The following DNAH12 variants were observed in gnomAD, a reference collection of about 807,000 sequenced individuals.
The protein encoded by DNAH12 is axonemal beta dynein heavy chain 12.
In DNAH12, 285 loss-of-function variants were observed where a neutral mutation model predicts 371.5. That is an observed-to-expected ratio of 0.77 (90% CI 0.70 to 0.85). The LOEUF (loss-of-function observed/expected upper bound fraction) is 0.85, where lower values mean the gene tolerates loss of function less well. DNAH12 is among the 40% of genes least tolerant of loss of function. The pLI, the probability that DNAH12 is intolerant of heterozygous loss-of-function variation, is 0.00. For missense variants in DNAH12, 3,611 were observed against 3,689.4 expected, an observed-to-expected ratio of 0.98 and a Z score of 0.55; for synonymous variants, 1,200 against 1,213.0, an observed-to-expected ratio of 0.99 and a Z score of 0.22.
rs1363960288 is a variant in DNAH12 at position 57,424,323 on chromosome 3, T to G, written c.5373+699A>C. On this transcript the variant is annotated intron_variant, in intron 35 of 73. Transcript: ENST00000495027. ...TGCCTTTACTAAAGATAAAAAAAAT[T>G]AGCTCAGTGTGGCAGTGCGCACCTG... Among the ~76,000 whole-genome samples, 4 of 144,434 alleles carry G rather than the reference T, an allele frequency of 2.8e-5. No homozygotes were observed. The Admixed American group carries it at 2.8e-4, about 10-fold the overall frequency. 94.8% of individuals were successfully genotyped at this position (144,434 alleles called of 152,430 possible).
intron 11 of DNAH12, chr3:57,498,595 A>G (rs2067397137): frequency 1.4e-6 from 1 of 714,968 alleles, no homozygotes; most frequent in African/African-American, 1.7e-5. Context: ...AGAAGACCAT[A>G]GTAACTTTAT....
chr3:57,300,095 C>G (rs1031697581), intron 70 of DNAH12, among the ~76,000 whole-genome samples: 2 of 152,222 alleles, frequency 1.3e-5, no homozygotes, highest in African/African-American at 4.8e-5. Flanking sequence ...CAAAACTTCC[C>G]TCCAGCCCCT....
chr3:57,314,260 T>C (rs907546969), intron 66 of DNAH12, among the ~76,000 whole-genome samples: 1 of 152,168 alleles, frequency 6.6e-6, no homozygotes, highest in Non-Finnish European at 1.5e-5. Context: ...CTTCTGCACC[T>C]CTTTATTATG....
At chr3:57,495,925 A>T (rs1019443888) in intron 11 of DNAH12, among the ~76,000 whole-genome samples, 1 of 144,406 alleles carries the variant, frequency 6.9e-6, no homozygotes. Flanking sequence ...TTCTATATTT[A>T]TATATATTTT....
At chr3:57,494,017 G>T (rs2067222306) in intron 11 of DNAH12, among the ~76,000 whole-genome samples, 1 of 152,180 alleles carries the variant, frequency 6.6e-6, no homozygotes, top group Non-Finnish European at 1.5e-5. Flanking sequence ...AGGATCACTT[G>T]CATCCAGGAG....
At chr3:57,531,635 G>A (rs1408422499) in intron 2 of DNAH12, among the ~76,000 whole-genome samples, 4 of 151,836 alleles carry the variant, frequency 2.6e-5, no homozygotes, top group South Asian at 4.2e-4. Context: ...GTGGCGGCAT[G>A]TGCTGTAATC....
rs1227654052 is a variant in DNAH12 at position 57,511,113 on chromosome 3, C to G, written c.280-134G>C. 23 of 606,146 alleles carry G rather than the reference C, an allele frequency of 3.8e-5. No individual in the cohort carries two copies. In the East Asian group the frequency reaches 7.7e-4, roughly 20 times the overall value. 37.5% of individuals were successfully genotyped at this position (606,146 alleles called of 1,614,324 possible). On this transcript the variant is annotated intron_variant, in intron 4 of 73. Transcript: ENST00000495027. ...AAAAATAACATTTTCAGAATAAAAA[C>G]CATTTAATCCAAAAGTACATCCCAC...
intron 43 of DNAH12, among the ~76,000 whole-genome samples, chr3:57,399,536 A>G (rs1029480301): frequency 7.2e-5 from 11 of 152,234 alleles, no homozygotes; most frequent in Non-Finnish European, 1.6e-4. Flanking sequence ...TATCAGACAA[A>G]AATAGACTTT....
intron 11 of DNAH12, among the ~76,000 whole-genome samples, chr3:57,499,651 T>TAA (rs1559724539): frequency 3.7e-5 from 1 of 26,752 alleles, no homozygotes; most frequent in Non-Finnish European, 7.6e-5. Flanking sequence ...AAAAAAAATA[T>TAA]ATATATATAT....
intron 60 of DNAH12, among the ~76,000 whole-genome samples, chr3:57,340,357 G>T (rs141203324): frequency 6.6e-6 from 1 of 151,194 alleles, no homozygotes; most frequent in African/African-American, 2.4e-5. Flanking sequence ...AAATAGAAAA[G>T]ATCAATGAAA....
intron 25 of DNAH12, among the ~76,000 whole-genome samples, chr3:57,449,637 A>C (rs1019040126): frequency 7.2e-5 from 11 of 152,162 alleles, no homozygotes; most frequent in Non-Finnish European, 1.5e-4. Flanking sequence ...CCGGCTGCTC[A>C]GAGTGCGGGG....
intron 13 of DNAH12, 70 bp from the exon 14 acceptor site, chr3:57,472,741 A>C: frequency 6.9e-7 from 1 of 1,447,858 alleles, no homozygotes; most frequent in Non-Finnish European, 9.3e-7. Flanking sequence ...GAGAAGAACC[A>C]ACAACAATCT....
At chr3:57,428,495 T>TA (rs60677040) in intron 34 of DNAH12, 138 bp downstream of exon 34, 1 of 1,530,084 alleles carries the variant, frequency 6.5e-7, no homozygotes, top group African/African-American at 1.4e-5. Flanking sequence ...TTAAGCAATA[T>TA]AAAACCAACG....
chr3:57,390,424 A>AAAAAATATATAT, intron 45 of DNAH12, among the ~76,000 whole-genome samples: 3 of 33,440 alleles, frequency 9.0e-5, no homozygotes, highest in African/African-American at 1.9e-4. Flanking sequence ...AAAAAAAAAA[A>AAAAAATATATAT]ATATATATAT....
chr3:57,467,669 CTT>C (rs2066245559), intron 17 of DNAH12, among the ~76,000 whole-genome samples: 1 of 152,038 alleles, frequency 6.6e-6, no homozygotes, highest in East Asian at 1.9e-4. Flanking sequence ...AGGAAAATGA[CTT>C]AGTGTCATTT....
At chr3:57,497,719 T>C (rs951949427) in intron 11 of DNAH12, among the ~76,000 whole-genome samples, 4 of 152,072 alleles carry the variant, frequency 2.6e-5, no homozygotes, top group South Asian at 2.1e-4. Context: ...GATCATGCAG[T>C]AGGAAAGATT....
rs563193585 is a variant in DNAH12, at chr3:57,502,706, C to T, written c.1087-227G>A. Among the ~76,000 whole-genome samples, 220 of 152,252 alleles carry T rather than the reference C, an allele frequency of 1.4e-3. 1 individual carries two copies. Among genetic ancestry groups the T allele is most frequent in the East Asian group, 4.8e-3 (25 of 5,174 alleles). On this transcript the variant is annotated intron_variant, in intron 9 of 73. Coordinates refer to ENST00000495027, the MANE Select transcript of DNAH12 (RefSeq NM_001366028.2). Reference sequence around the variant, plus strand: ...CTAGGATTACAGGCGCACGCCACCACGCCCAGCTAATTTTTGTATTTTTAG... The same window carrying T: ...CTAGGATTACAGGCGCACGCCACCATGCCCAGCTAATTTTTGTATTTTTAG...
chr3:57,500,509 G>C (rs1215893851), intron 11 of DNAH12, among the ~76,000 whole-genome samples: 1 of 152,094 alleles, frequency 6.6e-6, no homozygotes, highest in African/African-American at 2.4e-5. Context: ...CTGTGTCCCT[G>C]TTCCCTATTC....
At chr3:57,544,812 A>G (rs2069448372), upstream of DNAH12, among the ~76,000 whole-genome samples, 1 of 152,196 alleles carries the variant, frequency 6.6e-6, no homozygotes, top group South Asian at 2.1e-4. Flanking sequence ...GTATGCTGGG[A>G]GAAAGATGTG....
Sources: gnomAD v4.1 joint callset for allele counts (sites outside exome capture counted in the v4.1 genomes callset) on GRCh38, gnomAD v4.1.1 for gene constraint, MANE v1.5 for transcripts, NCBI Gene and HGNC (gene_info 2026-07-23, HGNC 2026-07-21) for gene names.